Variants in SLX4IP observed in about 807,000 individuals in gnomAD.
SLX4IP encodes SLX4 interacting protein, also known as protein SLX4IP.
In SLX4IP, 34 loss-of-function variants were observed where a neutral mutation model predicts 32.9. The ratio of observed to expected loss-of-function variants is 1.03; its 90% CI spans 0.79 to 1.38. The LOEUF is 1.38. Among genes scored for constraint, SLX4IP ranks in the 40% most tolerant of loss-of-function variants. The pLI, the probability that SLX4IP is intolerant of heterozygous loss-of-function variation, is 0.00. For synonymous variants in SLX4IP, 172 were observed against 171.7 expected, an observed-to-expected ratio of 1.00 and a Z score of -0.01; for missense variants, 444 against 479.0, an observed-to-expected ratio of 0.93 and a Z score of 0.68.
At chr20:10,532,488 C>A (rs1320726983) in intron 2 of SLX4IP, among the ~76,000 whole-genome samples, 1 of 152,112 alleles carries the variant, frequency 6.6e-6, no homozygotes, top group Admixed American at 6.5e-5. Context: ...AGTACCCTTT[C>A]CTGTTGGCTT....
intron 2 of SLX4IP, among the ~76,000 whole-genome samples, chr20:10,531,999 G>A (rs1384960180): frequency 1.3e-5 from 2 of 152,076 alleles, no homozygotes; most frequent in Non-Finnish European, 2.9e-5. Flanking sequence ...TAACTCCAGC[G>A]TAAGTTTCTG....
At chr20:10,545,069 A>G (rs1226978649) in intron 2 of SLX4IP, among the ~76,000 whole-genome samples, 1 of 152,122 alleles carries the variant, frequency 6.6e-6, no homozygotes, top group Admixed American at 6.5e-5. Context: ...TTGCACATCA[A>G]ATCAGCTTCA....
intron 4 of SLX4IP, among the ~76,000 whole-genome samples, chr20:10,596,058 C>T (rs1402743058): frequency 6.6e-6 from 1 of 152,060 alleles, no homozygotes; most frequent in East Asian, 1.9e-4. Flanking sequence ...TTGAAATCTG[C>T]CTTATACTGC....
At chr20:10,469,044 C>CA (rs1176922655) in intron 2 of SLX4IP, among the ~76,000 whole-genome samples, 14 of 151,798 alleles carry the variant, frequency 9.2e-5, no homozygotes, top group African/African-American at 2.2e-4. Flanking sequence ...AAAAAAATCG[C>CA]AAAAAAAATC....
chr20:10,580,736 A>G (rs951790109), intron 4 of SLX4IP, among the ~76,000 whole-genome samples: 1 of 151,976 alleles, frequency 6.6e-6, no homozygotes, highest in Non-Finnish European at 1.5e-5. Flanking sequence ...TTTGAGGGGC[A>G]CCTGGTTTTT....
chr20:10,605,613 A>T (rs1411945926), intron 6 of SLX4IP, among the ~76,000 whole-genome samples: 1 of 152,230 alleles, frequency 6.6e-6, no homozygotes, highest in African/African-American at 2.4e-5. Context: ...AAATTAAAAA[A>T]TGATTTGTAG....
intron 2 of SLX4IP, among the ~76,000 whole-genome samples, chr20:10,488,233 G>T (rs1304434168): frequency 1.3e-5 from 2 of 152,184 alleles, no homozygotes; most frequent in Non-Finnish European, 2.9e-5. Context: ...TCACTAGGGT[G>T]AACCCTAAAC....
intron 3 of SLX4IP, among the ~76,000 whole-genome samples, chr20:10,556,942 C>G (rs979114963): frequency 6.6e-6 from 1 of 152,172 alleles, no homozygotes; most frequent in Admixed American, 6.5e-5. Context: ...ACTCCTGGTT[C>G]TAAGTTTCAA....
rs190893452 is a variant in SLX4IP at position 10,504,459 on chromosome 20, C to G, written c.27+46228C>G. On this transcript the variant is annotated intron_variant, in intron 2 of 7. Coordinates refer to ENST00000334534, the MANE Select transcript of SLX4IP (RefSeq NM_001009608.3). ...GCCCCTTCCTAGACCCGCTTCCTGG[C>G]CCATTATTCTGCCCTTCCAAATGTA... is the stretch of plus-strand genomic sequence containing the variant. Among the ~76,000 whole-genome samples, 209 of 152,244 alleles carry G rather than the reference C, an allele frequency of 1.4e-3. 1 individual carries two copies. Among genetic ancestry groups the G allele is most frequent in the African/African-American group, 4.9e-3 (204 of 41,530 alleles).
chr20:10,589,920 AC>A (rs143789379), intron 4 of SLX4IP, among the ~76,000 whole-genome samples: 3,183 of 152,130 alleles, frequency 0.021, 112 homozygotes, highest in African/African-American at 0.072. Flanking sequence ...AGTCTATGTT[AC>A]TTTTAATTAG....
intron 1 of SLX4IP, among the ~76,000 whole-genome samples, chr20:10,453,178 C>T (rs888543411): frequency 1.1e-4 from 16 of 152,170 alleles, no homozygotes; most frequent in Non-Finnish European, 1.9e-4. Flanking sequence ...ATTAAGCACT[C>T]TTTTTATTTA....
intron 2 of SLX4IP, among the ~76,000 whole-genome samples, chr20:10,498,263 T>C (rs1304265223): frequency 6.6e-6 from 1 of 151,948 alleles, no homozygotes; most frequent in East Asian, 1.9e-4. Context: ...GTTTGTGTTT[T>C]CCTGCCTCCC....
chr20:10,483,122 T>C (rs1187411110), intron 2 of SLX4IP, among the ~76,000 whole-genome samples: 1 of 152,200 alleles, frequency 6.6e-6, no homozygotes, highest in African/African-American at 2.4e-5. Flanking sequence ...GTTTTTTGTT[T>C]GTTCGTTTGT....
chr20:10,572,385 AG>A (rs1173561418), intron 4 of SLX4IP, among the ~76,000 whole-genome samples: 1 of 152,174 alleles, frequency 6.6e-6, no homozygotes, highest in African/African-American at 2.4e-5. Flanking sequence ...TAAATTAACT[AG>A]GAGCAGTATT....
intron 4 of SLX4IP, among the ~76,000 whole-genome samples, chr20:10,584,550 T>G (rs1284643258): frequency 6.6e-6 from 1 of 152,216 alleles, no homozygotes; most frequent in Non-Finnish European, 1.5e-5. Flanking sequence ...CTTCCAGACC[T>G]GTCTGAGCAT....
At chr20:10,479,003 C>T (rs376179848) in intron 2 of SLX4IP, among the ~76,000 whole-genome samples, 6 of 152,242 alleles carry the variant, frequency 3.9e-5, no homozygotes, top group African/African-American at 1.4e-4. Flanking sequence ...AGAAAACTGC[C>T]TAAAACCTGG....
intron 2 of SLX4IP, among the ~76,000 whole-genome samples, chr20:10,519,676 G>T (rs1401688900): frequency 6.6e-6 from 1 of 152,182 alleles, no homozygotes; most frequent in African/African-American, 2.4e-5. Context: ...ATGTTGCTAT[G>T]CATGTTTGTG....
chr20:10,462,643 G>A (rs1156891453), intron 2 of SLX4IP, among the ~76,000 whole-genome samples: 2 of 152,176 alleles, frequency 1.3e-5, no homozygotes. Context: ...GATGCACACT[G>A]TTTTAGAAAG....
chr20:10,580,417 T>A (rs2066570923), intron 4 of SLX4IP, among the ~76,000 whole-genome samples: 1 of 151,684 alleles, frequency 6.6e-6, no homozygotes, highest in Admixed American at 6.6e-5. Context: ...GCTTTAATCC[T>A]CTGCTTGAAT....
Sources: allele counts gnomAD v4.1 joint callset (sites outside exome capture counted in the v4.1 genomes callset), GRCh38; gene constraint gnomAD v4.1.1; transcripts MANE v1.5; gene names NCBI Gene and HGNC (gene_info 2026-07-23, HGNC 2026-07-21).